Variants in XG observed in about 807,000 individuals in gnomAD.
XG encodes the protein Xg glycoprotein (Xg blood group).
In XG, 24 loss-of-function variants were observed where a neutral mutation model predicts 25.7. The observed-to-expected ratio is 0.93, with a 90% confidence interval of 0.68 to 1.31. The LOEUF (loss-of-function observed/expected upper bound fraction) is 1.31. Ranked by LOEUF, XG falls within the 40% of genes most tolerant of loss-of-function variation. XG has a pLI of 0.00. For missense variants in XG, 181 were observed against 187.6 expected, an observed-to-expected ratio of 0.96 and a Z score of 0.21; for synonymous variants, 77 against 69.2, an observed-to-expected ratio of 1.11 and a Z score of -0.56.
intron 8 of XG, 134 bp from the exon 9 acceptor site, chrX:2,808,051 C>G (rs2087020462): frequency 2.9e-6 from 2 of 694,008 alleles, no homozygotes; most frequent in Admixed American, 2.7e-5. Context: ...CCCCCTCCCC[C>G]CACAAGAATG....
Position 2,766,887 on chromosome X carries a change from G to A in XG, c.62-3663G>A, listed in dbSNP as rs766075963. 7.9e-5 allele frequency among the ~76,000 whole-genome samples: 12 copies of A among 152,176 alleles called. No homozygotes were observed. The East Asian group carries it at 1.2e-3, about 15-fold the overall frequency. On this transcript the variant is annotated intron_variant, in intron 1 of 10. Transcript: ENST00000644266. ...GCCTGTGCCACTCTTTATACAGATA[G>A]GATAGAGGGAAAGTTAGATTCCTGT...
At chrX:2,812,502 C>A (rs1396585910) in intron 10 of XG, among the ~76,000 whole-genome samples, 3 of 111,012 alleles carry the variant, frequency 2.7e-5, no homozygotes, top group African/African-American at 9.8e-5. Flanking sequence ...TTCTTTGTGT[C>A]CCCGAAGGAA....
rs780568272 is a variant in XG at position 2,789,653 on chromosome X, C to G, written c.200C>G (p.Pro67Arg). 19 of 1,170,579 alleles carry G rather than the reference C, an allele frequency of 1.6e-5. No homozygotes were observed. The highest frequency in any genetic ancestry group is 2.2e-5 in the Non-Finnish European group (19 of 873,301). ...ENPDSGGNIY[P>R]RPKPRPQPQP... ...TGTTGTTTTCCAACAGATATCTACC[C>G]AAGGCCAAAGCCACGCCCTCAACCC... Residue 67 changes from proline to arginine, a missense_variant, in exon 5 of 11, where the codon CCA becomes CGA. By Grantham distance (103) the Pro-to-Arg change is moderately radical. Coordinates refer to ENST00000644266, the MANE Select transcript of XG (RefSeq NM_001141919.2).
chrX:2,776,633 G>A (rs2050998820), intron 3 of XG, among the ~76,000 whole-genome samples: 1 of 151,990 alleles, frequency 6.6e-6, no homozygotes, highest in Admixed American at 6.6e-5. Context: ...TCTAAAAACA[G>A]GTTAGTAAAA....
At chrX:2,770,067 T>G (rs2050783829) in intron 1 of XG, among the ~76,000 whole-genome samples, 1 of 149,884 alleles carries the variant, frequency 6.7e-6, no homozygotes, top group South Asian at 2.2e-4. Flanking sequence ...TCCTAAGCTG[T>G]GAGTGGGACA....
chrX:2,804,134 C>T (rs144964722), intron 7 of XG, among the ~76,000 whole-genome samples: 1 of 112,436 alleles, frequency 8.9e-6, no homozygotes, highest in Non-Finnish European at 1.9e-5. Flanking sequence ...TGAGCCACTG[C>T]GCCCAGCCCT....
chrX:2,776,772 C>G (rs2857320), intron 3 of XG, among the ~76,000 whole-genome samples: 2 of 151,828 alleles, frequency 1.3e-5, no homozygotes, highest in Admixed American at 6.6e-5. Flanking sequence ...GGCGTGAACC[C>G]GGGAGGCGGA....
intron 5 of XG, 56 bp downstream of exon 5, chrX:2,789,762 A>G: frequency 3.3e-6 from 2 of 606,547 alleles, no homozygotes; most frequent in Non-Finnish European, 4.5e-6. Flanking sequence ...TTATTTTACT[A>G]TTTTATTTGA....
chrX:2,788,579 G>A (rs1242355125), intron 4 of XG, among the ~76,000 whole-genome samples: 3 of 111,728 alleles, frequency 2.7e-5, no homozygotes, highest in Non-Finnish European at 5.6e-5. Context: ...GCAGGGCTGG[G>A]CACGGTGGCT....
intron 6 of XG, among the ~76,000 whole-genome samples, chrX:2,795,212 CAG>C (rs2086873111): frequency 4.7e-5 from 4 of 85,286 alleles, no homozygotes; most frequent in African/African-American, 1.7e-4. Context: ...TATTTATATG[CAG>C]ATATATGCTT....
At chrX:2,755,875 T>C (rs1420128750) in intron 1 of XG, among the ~76,000 whole-genome samples, 1 of 151,928 alleles carries the variant, frequency 6.6e-6, no homozygotes, top group Non-Finnish European at 1.5e-5. Flanking sequence ...GGTGCGATGA[T>C]TGCTATGAAG....
intron 6 of XG, 128 bp from the exon 7 acceptor site, chrX:2,797,182 C>T (rs1240599101): frequency 3.2e-5 from 21 of 663,019 alleles, no homozygotes; most frequent in Non-Finnish European, 4.4e-5. Flanking sequence ...CTCTTTGGAG[C>T]TCTCTTGGCA....
intron 4 of XG, among the ~76,000 whole-genome samples, chrX:2,784,853 G>T (rs1453250465): frequency 8.9e-6 from 1 of 112,374 alleles, no homozygotes; most frequent in East Asian, 2.8e-4. Flanking sequence ...CTTTAACATG[G>T]CAGTCCTGAA....
intron 8 of XG, among the ~76,000 whole-genome samples, chrX:2,807,270 TC>T (rs1206277251): frequency 8.8e-6 from 1 of 113,213 alleles, no homozygotes; most frequent in South Asian, 3.6e-4. Flanking sequence ...GTGTGTCCAT[TC>T]ACATGCATAC....
intron 7 of XG, among the ~76,000 whole-genome samples, chrX:2,805,360 C>T (rs780982168): frequency 6.2e-5 from 7 of 112,401 alleles, no homozygotes; most frequent in South Asian, 3.7e-4. Context: ...ATTTCTTCTC[C>T]CACAGTCCTG....
At chrX:2,763,531 A>C (rs1253187976) in intron 1 of XG, among the ~76,000 whole-genome samples, 3 of 152,126 alleles carry the variant, frequency 2.0e-5, no homozygotes, top group Non-Finnish European at 4.4e-5. Flanking sequence ...AAGTCACACC[A>C]ATGGCCACAA....
chrX:2,797,646 CAACT>C, intron 7 of XG, among the ~76,000 whole-genome samples: 1 of 110,705 alleles, frequency 9.0e-6, no homozygotes, highest in East Asian at 2.9e-4. Flanking sequence ...AAGAACTATA[CAACT>C]AATTAGAGAA....
intron 6 of XG, among the ~76,000 whole-genome samples, chrX:2,796,227 A>G (rs1162628565): frequency 9.4e-6 from 1 of 106,813 alleles, no homozygotes; most frequent in Non-Finnish European, 1.9e-5. Context: ...ATATATTTAT[A>G]TATCTATACA....
chrX:2,759,511 T>C lies in XG; in HGVS notation c.61+7176T>C, dbSNP rs1000579569. 5.3e-5 allele frequency among the ~76,000 whole-genome samples: 8 copies of C among 152,192 alleles called. No homozygotes were observed. In the East Asian group the frequency reaches 1.3e-3, roughly 26 times the overall value. ...ATGCACTTGTAGGATCTTTTCCCCA[T>C]AGGGCATAGAGCCATGGCACATATA... is the stretch of plus-strand genomic sequence containing the variant. On this transcript the variant is annotated intron_variant, in intron 1 of 10. Coordinates refer to ENST00000644266, the MANE Select transcript of XG (RefSeq NM_001141919.2).
Sources: gnomAD v4.1 joint callset for allele counts (sites outside exome capture counted in the v4.1 genomes callset) on GRCh38, gnomAD v4.1.1 for gene constraint, MANE v1.5 for transcripts, NCBI Gene and HGNC (gene_info 2026-07-23, HGNC 2026-07-21) for gene names.